The following TCF20 variants were observed in gnomAD, a reference collection of about 807,000 sequenced individuals.
TCF20 encodes SPRE-binding protein.
TCF20 carries 3 observed loss-of-function variants against 148.6 expected under a neutral mutation model. The ratio of observed to expected loss-of-function variants is 0.02; its 90% CI spans 0.01 to 0.05. TCF20 has a LOEUF of 0.05. TCF20 is among the 10% of genes least tolerant of loss of function. The pLI is 1.00. For missense variants in TCF20, 2,350 were observed against 2,429.3 expected, an observed-to-expected ratio of 0.97 and a Z score of 0.69; for synonymous variants, 1,049 against 909.5, an observed-to-expected ratio of 1.15 and a Z score of -2.76.
intron 2 of TCF20, among the ~76,000 whole-genome samples, chr22:42,186,197 C>G (rs900479896): frequency 2.0e-5 from 3 of 152,116 alleles, no homozygotes; most frequent in African/African-American, 7.2e-5. Context: ...TGTGGTTGGT[C>G]TAATGTGCAT....
At chr22:42,175,404 G>A (rs1318240856) in intron 3 of TCF20, among the ~76,000 whole-genome samples, 1 of 151,214 alleles carries the variant, frequency 6.6e-6, no homozygotes, top group Non-Finnish European at 1.5e-5. Flanking sequence ...GCAGTGGCGT[G>A]ATCTCAGCTC....
intron 1 of TCF20, among the ~76,000 whole-genome samples, chr22:42,307,105 C>T (rs987657321): frequency 6.6e-6 from 1 of 151,526 alleles, no homozygotes; most frequent in African/African-American, 2.4e-5. Flanking sequence ...CAACCCGAGC[C>T]ATCTGGTGGC....
intron 1 of TCF20, among the ~76,000 whole-genome samples, chr22:42,251,560 T>C (rs1312942719): frequency 7.9e-6 from 1 of 126,902 alleles, no homozygotes; most frequent in Non-Finnish European, 1.6e-5. Flanking sequence ...TGGAGTACAG[T>C]GGCATGATCT....
chr22:42,334,905 C>T (rs115681506), intron 1 of TCF20, among the ~76,000 whole-genome samples: 2,449 of 152,244 alleles, frequency 0.016, 62 homozygotes, highest in African/African-American at 0.056. Flanking sequence ...TTGCTCTGGA[C>T]CTCAGCAATG....
At chr22:42,334,157 T>G (rs1458947624) in intron 1 of TCF20, among the ~76,000 whole-genome samples, 1 of 152,186 alleles carries the variant, frequency 6.6e-6, no homozygotes, top group African/African-American at 2.4e-5. Flanking sequence ...GGACCTTGGG[T>G]GGCCTTGGGA....
rs1569153781 is a variant in TCF20 at position 42,214,638 on chromosome 22, CCAG to C, written c.665_667del (p.Ala222del). On this transcript the variant is annotated inframe_deletion, in exon 2 of 6. Coordinates refer to ENST00000677622, the MANE Select transcript of TCF20 (RefSeq NM_001378418.1). ...AAACTGACCCACTCTTAACTGGTAA[CCAG>C]CAGCAGAGGATGGCAGAGTTGAGGG... 3 of 1,614,128 alleles carry C rather than the reference CCAG, an allele frequency of 1.9e-6. No homozygotes were observed. The Admixed American group carries it at 5.0e-5, about 27-fold the overall frequency.
chr22:42,330,747 A>G (rs1927959453), intron 1 of TCF20, among the ~76,000 whole-genome samples: 2 of 152,192 alleles, frequency 1.3e-5, no homozygotes, highest in Non-Finnish European at 1.5e-5. Context: ...GATCCAGCCC[A>G]CAGAGTCCAG....
At chr22:42,183,699 GT>G (rs1936895237) in intron 2 of TCF20, among the ~76,000 whole-genome samples, 2 of 151,884 alleles carry the variant, frequency 1.3e-5, no homozygotes, top group Non-Finnish European at 2.9e-5. Context: ...GTGGTAAGGT[GT>G]TATGACAATG....
intron 1 of TCF20, among the ~76,000 whole-genome samples, chr22:42,324,114 G>A (rs1927817590): frequency 1.4e-5 from 2 of 140,952 alleles, no homozygotes; most frequent in South Asian, 2.3e-4. Context: ...TGGTGGTGGT[G>A]GTGGTGGTTA....
chr22:42,316,712 A>C (rs1927638733), intron 1 of TCF20, among the ~76,000 whole-genome samples: 1 of 152,214 alleles, frequency 6.6e-6, no homozygotes, highest in African/African-American at 2.4e-5. Context: ...CTAGGATTAC[A>C]CGCGTGAGCC....
chr22:42,164,212 C>CTTTTTTTTTT (rs56079117), intron 5 of TCF20, among the ~76,000 whole-genome samples: 2 of 83,508 alleles, frequency 2.4e-5, no homozygotes, highest in African/African-American at 9.6e-5. Context: ...TCATTTCTTT[C>CTTTTTTTTTT]TTTTTTTTTT....
chr22:42,177,804 G>A (rs79145419), intron 3 of TCF20, among the ~76,000 whole-genome samples: 3,677 of 152,230 alleles, frequency 0.024, 134 homozygotes, highest in African/African-American at 0.085. Flanking sequence ...AGGGGTGCTA[G>A]GAGCATCTTT....
intron 1 of TCF20, among the ~76,000 whole-genome samples, chr22:42,320,461 C>T (rs923356791): frequency 2.0e-5 from 3 of 152,194 alleles, no homozygotes; most frequent in African/African-American, 7.2e-5. Flanking sequence ...ACTCAATGTG[C>T]CCTTCCTCCA....
chr22:42,224,342 G>A (rs1569163305), intron 1 of TCF20, among the ~76,000 whole-genome samples: 1 of 151,708 alleles, frequency 6.6e-6, no homozygotes, highest in Non-Finnish European at 1.5e-5. Context: ...CGTGGTGGTA[G>A]GCACCTGTAG....
chr22:42,283,205 C>A (rs548558523), intron 1 of TCF20, among the ~76,000 whole-genome samples: 49 of 152,362 alleles, frequency 3.2e-4, no homozygotes, highest in African/African-American at 1.2e-3. Flanking sequence ...GCCCAACTCG[C>A]AGCAGACCAC....
At chr22:42,278,810 A>G (rs761495252) in intron 1 of TCF20, 1 of 152,296 alleles carries the variant, frequency 6.6e-6, no homozygotes, top group Non-Finnish European at 1.5e-5. Context: ...CGTGGACGCT[A>G]AGGCTCAGAG....
intron 1 of TCF20, among the ~76,000 whole-genome samples, chr22:42,258,451 A>C (rs1925859885): frequency 6.6e-6 from 1 of 152,138 alleles, no homozygotes; most frequent in Admixed American, 6.5e-5. Flanking sequence ...GTTCCCCAGG[A>C]ATGTCCTCAA....
At chr22:42,171,631 A>C (rs1936137455) in intron 3 of TCF20, among the ~76,000 whole-genome samples, 1 of 152,206 alleles carries the variant, frequency 6.6e-6, no homozygotes, top group Non-Finnish European at 1.5e-5. Context: ...GAAATGTGTT[A>C]ATTTAAAACC....
rs6002656 is a variant in TCF20 at position 42,213,852 on chromosome 22, G to T, written c.1454C>A (p.Thr485Asn). 8.9e-5 allele frequency: 144 copies of T among 1,614,180 alleles called. No homozygotes were observed. In the African/African-American group the frequency reaches 1.7e-3, roughly 19 times the overall value. ...CTTGGAAGATGAGGGCCTCTTGGAG[G>T]TCTTCTTCTGAGGAGTCAGGGCATC... Reference protein sequence around the residue: ...LSDALTPQKKTSKRPSSSKKA... With the variant: ...LSDALTPQKKNSKRPSSSKKA... The change falls in exon 2 of 6, where the codon ACC becomes AAC. Residue 485 changes from threonine (T) to asparagine (N), a missense_variant. Thr to Asn is a moderately conservative substitution (Grantham distance 65). This residue lies in a region of TCF20 where 1,641 missense variants were observed against 1,662.6 expected (regional missense o/e 0.99). Coordinates refer to ENST00000677622, the MANE Select transcript of TCF20 (RefSeq NM_001378418.1).
Sources: gnomAD v4.1 joint callset for allele counts (sites outside exome capture counted in the v4.1 genomes callset) on GRCh38, gnomAD v4.1.1 for gene constraint, gnomAD v4.1.1 regional missense constraint, MANE v1.5 for transcripts, NCBI Gene and HGNC (gene_info 2026-07-23, HGNC 2026-07-21) for gene names.